The following PARD3 variants were observed in gnomAD, a reference collection of about 807,000 sequenced individuals.
The protein encoded by PARD3 is partitioning defective 3 homolog.
PARD3 carries 75 observed loss-of-function variants against 155.4 expected under a neutral mutation model. The ratio of observed to expected loss-of-function variants is 0.48; its 90% CI spans 0.40 to 0.58. The LOEUF is 0.58. Among genes scored for constraint, PARD3 ranks in the 20% least tolerant of loss-of-function variants. The pLI, the probability that PARD3 is intolerant of heterozygous loss-of-function variation, is 0.00. For synonymous variants in PARD3, 576 were observed against 610.5 expected (o/e 0.94, Z 0.83); for missense variants, 1,642 against 1,721.7 (o/e 0.95, Z 0.82).
Position 34,517,051 on chromosome 10 carries a change from T to C in PARD3, c.331A>G (p.Asn111Asp). ...TAAGGCTGAAAGGCTGAGACATTGT[T>C]GGTGCCAAGCTCACTACCAAATATC... ...PEIFGSELGT[N>D]NVSAFQPYQA... The change falls in exon 3 of 25, where the codon AAC becomes GAC. Residue 111 changes from asparagine to aspartate, a missense_variant. This residue lies in a region of PARD3 where 1,529 missense variants were observed against 1,587.3 expected (regional missense o/e 0.96). Coordinates refer to ENST00000374788, the MANE Select transcript of PARD3 (RefSeq NM_001184785.2). The C allele has an allele frequency of 1.9e-6, 3 of 1,614,228 alleles. No individual in the cohort carries two copies. Among genetic ancestry groups the C allele is most frequent in the Non-Finnish European group, 2.5e-6 (3 of 1,180,022 alleles).
At chr10:34,792,024 C>T (rs1290094775) in intron 1 of PARD3, among the ~76,000 whole-genome samples, 2 of 152,160 alleles carry the variant, frequency 1.3e-5, no homozygotes, top group African/African-American at 4.8e-5. Context: ...CCTCGGCCAC[C>T]TCCCAGGATG....
At chr10:34,653,057 A>G (rs2093062081) in intron 2 of PARD3, among the ~76,000 whole-genome samples, 1 of 152,200 alleles carries the variant, frequency 6.6e-6, no homozygotes, top group African/African-American at 2.4e-5. Context: ...ACACATGCTT[A>G]AGAGAACAAA....
chr10:34,355,319 G>A (rs1163843477), intron 14 of PARD3, among the ~76,000 whole-genome samples: 1 of 151,858 alleles, frequency 6.6e-6, no homozygotes, highest in African/African-American at 2.4e-5. Flanking sequence ...CAGAGCGAGA[G>A]AGCAAGACGC....
At chr10:34,237,917 T>C (rs938701410) in intron 22 of PARD3, among the ~76,000 whole-genome samples, 2 of 152,146 alleles carry the variant, frequency 1.3e-5, no homozygotes, top group Admixed American at 1.3e-4. Flanking sequence ...GAATTTAGTT[T>C]ATGAATACTG....
intron 20 of PARD3, among the ~76,000 whole-genome samples, chr10:34,289,234 G>C (rs1956554458): frequency 6.6e-6 from 1 of 152,244 alleles, no homozygotes; most frequent in African/African-American, 2.4e-5. Context: ...CTGTTGCCCA[G>C]GCTAGAGTGC....
intron 3 of PARD3, among the ~76,000 whole-genome samples, chr10:34,487,964 T>C (rs942910817): frequency 6.6e-6 from 1 of 152,216 alleles, no homozygotes; most frequent in African/African-American, 2.4e-5. Flanking sequence ...TTATTAAGGA[T>C]TCAAATACAG....
At chr10:34,752,858 G>A (rs554096564) in intron 1 of PARD3, among the ~76,000 whole-genome samples, 17 of 152,278 alleles carry the variant, frequency 1.1e-4, no homozygotes, top group Admixed American at 7.2e-4. Context: ...GGCTGTGTGC[G>A]AATACCTCAG....
Position 34,564,844 on chromosome 10 carries a change from G to A in PARD3, c.223-47685C>T, listed in dbSNP as rs569341047. ...TGCAAGCCATTAATATAATTTTAAT[G>A]TATGTATGAAATACAATAATCAACA... On this transcript the variant is annotated intron_variant, in intron 2 of 24. Transcript: ENST00000374788. 4.5e-4 allele frequency among the ~76,000 whole-genome samples: 68 copies of A among 152,132 alleles called. 1 individual carries two copies. The highest frequency in any genetic ancestry group is 4.5e-3 in the Admixed American group (68 of 15,268).
At chr10:34,209,453 A>G (rs1384476224) in intron 22 of PARD3, among the ~76,000 whole-genome samples, 3 of 152,252 alleles carry the variant, frequency 2.0e-5, no homozygotes, top group Non-Finnish European at 4.4e-5. Flanking sequence ...GAAGCCAAGT[A>G]TAGTTGATTC....
At chr10:34,787,309 G>A (rs984198455) in intron 1 of PARD3, among the ~76,000 whole-genome samples, 1 of 152,162 alleles carries the variant, frequency 6.6e-6, no homozygotes, top group African/African-American at 2.4e-5. Context: ...AACCCAGGAG[G>A]CGAAGGTTGC....
At chr10:34,614,644 A>C (rs1006774056) in intron 2 of PARD3, among the ~76,000 whole-genome samples, 1 of 152,252 alleles carries the variant, frequency 6.6e-6, no homozygotes, top group Non-Finnish European at 1.5e-5. Flanking sequence ...CACATATTTA[A>C]AACATTTTTA....
At position 34,360,163 on chromosome 10, in the gene PARD3, C is replaced by A; in HGVS notation, c.1804G>T (p.Gly602Cys). Residue 602 changes from glycine (G) to cysteine (C), a missense_variant, in exon 13 of 25, where the codon GGT becomes TGT. Coordinates refer to ENST00000374788, the MANE Select transcript of PARD3 (RefSeq NM_001184785.2). ...PLNDSGSAGL[G>C]VSVKGNRSKE... ...GACCGGTTACCTTTGACACTGACAC[C>A]AAGGCCTGCAGATCCTGAATCATTA... The A allele has an allele frequency of 6.2e-7, 1 of 1,613,938 alleles. No individual in the cohort carries two copies. The highest frequency in any genetic ancestry group is 8.5e-7 in the Non-Finnish European group (1 of 1,179,794).
At chr10:34,188,059 C>T (rs1206796734) in intron 22 of PARD3, among the ~76,000 whole-genome samples, 1 of 152,152 alleles carries the variant, frequency 6.6e-6, no homozygotes, top group African/African-American at 2.4e-5. Context: ...AAATGTTCAG[C>T]ATAAATCATG....
intron 22 of PARD3, among the ~76,000 whole-genome samples, chr10:34,226,321 G>A (rs571098622): frequency 2.8e-4 from 43 of 152,256 alleles, no homozygotes; most frequent in African/African-American, 8.4e-4. Context: ...AGGCTGAGGC[G>A]GGTGGATCAC....
intron 2 of PARD3, among the ~76,000 whole-genome samples, chr10:34,578,739 T>C (rs982117893): frequency 7.2e-5 from 11 of 152,338 alleles, no homozygotes; most frequent in African/African-American, 2.6e-4. Context: ...TGTTTCCAAC[T>C]TCTCAAATAC....
chr10:34,386,355 T>C (rs898736491), intron 7 of PARD3, among the ~76,000 whole-genome samples: 11 of 152,216 alleles, frequency 7.2e-5, no homozygotes, highest in Admixed American at 4.6e-4. Context: ...CACTGATTTA[T>C]CTTCAGGAGC....
At chr10:34,352,972 T>TG (rs746221199) in intron 14 of PARD3, among the ~76,000 whole-genome samples, 1 of 128,166 alleles carries the variant, frequency 7.8e-6, no homozygotes, top group Non-Finnish European at 1.9e-5. Context: ...ATCTGGGATG[T>TG]GAGGAGTGTC....
intron 10 of PARD3, among the ~76,000 whole-genome samples, chr10:34,376,116 A>G (rs1841207567): frequency 6.6e-6 from 1 of 152,224 alleles, no homozygotes; most frequent in South Asian, 2.1e-4. Context: ...GATTCTAATT[A>G]TCTAGACACT....
chr10:34,507,333 C>A (rs1462497642), intron 3 of PARD3, among the ~76,000 whole-genome samples: 1 of 151,842 alleles, frequency 6.6e-6, no homozygotes, highest in Non-Finnish European at 1.5e-5. Flanking sequence ...GTGCAGGGGA[C>A]AAGAGGGCAG....
Sources: allele counts gnomAD v4.1 joint callset (sites outside exome capture counted in the v4.1 genomes callset), GRCh38; gene constraint gnomAD v4.1.1; regional missense constraint gnomAD v4.1.1; transcripts MANE v1.5; gene names NCBI Gene and HGNC (gene_info 2026-07-23, HGNC 2026-07-21).